The following MRTFB variants were observed in gnomAD, a reference collection of about 807,000 sequenced individuals.
MRTFB encodes myocardin-related transcription factor B.
In MRTFB, 29 loss-of-function variants were observed where a neutral mutation model predicts 104.2. The observed-to-expected ratio is 0.28, with a 90% CI of 0.21 to 0.38. The LOEUF (loss-of-function observed/expected upper bound fraction) is 0.38. Ranked by LOEUF, MRTFB falls within the 10% of genes least tolerant of loss-of-function variation. The probability of loss-of-function intolerance (pLI) is 1.00; values close to 1 mark genes in which losing one functional copy is unlikely to be tolerated. For synonymous variants in MRTFB, 535 were observed against 519.5 expected, an observed-to-expected ratio of 1.03 and a Z score of -0.41; for missense variants, 1,270 against 1,341.6, an observed-to-expected ratio of 0.95 and a Z score of 0.83.
chr16:13,995,684 A>C, the MRTFB span, among the ~76,000 whole-genome samples: 1 of 152,164 alleles, frequency 6.6e-6, no homozygotes, highest in African/African-American at 2.4e-5. Flanking sequence ...AGGCCTCAGG[A>C]AACTTACAAT....
the MRTFB span, among the ~76,000 whole-genome samples, chr16:14,026,183 A>G: frequency 6.6e-6 from 1 of 152,244 alleles, no homozygotes; most frequent in South Asian, 2.1e-4. Flanking sequence ...ATTGAAAAAG[A>G]AATTGGGAGA....
the MRTFB span, among the ~76,000 whole-genome samples, chr16:14,050,176 C>G: frequency 6.6e-6 from 1 of 152,134 alleles, no homozygotes; most frequent in South Asian, 2.1e-4. Flanking sequence ...CACACACACA[C>G]ACACACACAG....
intron 2 of MRTFB, among the ~76,000 whole-genome samples, chr16:14,111,356 C>T (rs2036257478): frequency 6.6e-6 from 1 of 151,882 alleles, no homozygotes; most frequent in Admixed American, 6.6e-5. Context: ...GTGGCCTTTG[C>T]CCTTAATAAA....
At chr16:14,093,869 A>G (rs888684399) in intron 2 of MRTFB, among the ~76,000 whole-genome samples, 3 of 152,340 alleles carry the variant, frequency 2.0e-5, no homozygotes, top group Admixed American at 1.3e-4. Context: ...GAAGTTTTTA[A>G]AATGTTAATT....
At chr16:14,042,237 T>C in the MRTFB span, among the ~76,000 whole-genome samples, 2 of 152,154 alleles carry the variant, frequency 1.3e-5, no homozygotes, top group Admixed American at 6.5e-5. Context: ...GCAATTCTCC[T>C]GCCTCAGCCT....
intron 3 of MRTFB, chr16:14,143,228 A>G (rs980008247): frequency 6.9e-6 from 1 of 145,356 alleles, no homozygotes; most frequent in African/African-American, 2.6e-5. Context: ...GGGACAAGGG[A>G]GACGCATTTT....
At chr16:14,006,655 T>C in the MRTFB span, among the ~76,000 whole-genome samples, 3 of 152,232 alleles carry the variant, frequency 2.0e-5, no homozygotes, top group Non-Finnish European at 4.4e-5. Flanking sequence ...TAGTATTGTT[T>C]GCATGTTTCA....
In MRTFB at chr16:14,247,526, A is replaced by G. The variant is rs770892818; in HGVS notation, c.2247+19A>G. ...ACTCCAGGTGTGAAGTGTGTCTTCT[A>G]ACTACTTTGCCTTACAGCATGCATG... On this transcript the variant is annotated intron_variant, in intron 12 of 16. Transcript: ENST00000571589. 12 of 1,530,620 alleles carry G rather than the reference A, an allele frequency of 7.8e-6. No homozygotes were observed. Among genetic ancestry groups the G allele is most frequent in the Middle Eastern group, 3.5e-4 (2 of 5,672 alleles). The allele number at this position is 1,530,620 out of a possible 1,614,324, so 94.8% of individuals were successfully genotyped here. A position where few individuals can be genotyped will look rare whatever the true frequency, so the allele number is the denominator to read the frequency against.
the MRTFB span, among the ~76,000 whole-genome samples, chr16:14,003,966 G>A: frequency 3.0e-4 from 45 of 152,262 alleles, no homozygotes; most frequent in African/African-American, 1.0e-3. Context: ...ACCCATCTGT[G>A]GGCCTCCAGT....
chr16:14,115,165 T>C (rs1414303664), intron 2 of MRTFB, among the ~76,000 whole-genome samples: 1 of 152,244 alleles, frequency 6.6e-6, no homozygotes, highest in Non-Finnish European at 1.5e-5. Context: ...ACGCTGACAC[T>C]ACTTGGAATT....
chr16:14,254,219 CT>C (rs1267269235), intron 15 of MRTFB, among the ~76,000 whole-genome samples: 1 of 152,220 alleles, frequency 6.6e-6, no homozygotes. Context: ...AATACATTTA[CT>C]CAGACTTGCA....
intron 16 of MRTFB, 43 bp downstream of exon 16, chr16:14,258,204 T>G: frequency 6.5e-7 from 1 of 1,540,460 alleles, no homozygotes; most frequent in Non-Finnish European, 9.0e-7. Flanking sequence ...AAGTCATCTC[T>G]TAACCCAAGT....
intron 2 of MRTFB, among the ~76,000 whole-genome samples, chr16:14,135,786 C>T (rs1405407550): frequency 6.6e-6 from 1 of 152,124 alleles, no homozygotes; most frequent in African/African-American, 2.4e-5. Context: ...TTTACTGCAC[C>T]AGCCTTATCT....
At chr16:14,122,649 G>GTA in intron 2 of MRTFB, among the ~76,000 whole-genome samples, 1 of 152,150 alleles carries the variant, frequency 6.6e-6, no homozygotes, top group African/African-American at 2.4e-5. Context: ...ATTCCGTGGT[G>GTA]TATATATGTG....
At chr16:14,223,566 T>G (rs2041845693) in intron 8 of MRTFB, among the ~76,000 whole-genome samples, 1 of 152,040 alleles carries the variant, frequency 6.6e-6, no homozygotes. Flanking sequence ...TAATTGAAGA[T>G]ATAATGGAAT....
the MRTFB span, among the ~76,000 whole-genome samples, chr16:14,007,444 G>T: frequency 6.6e-6 from 1 of 152,052 alleles, no homozygotes; most frequent in Non-Finnish European, 1.5e-5. Context: ...TTCATCATAT[G>T]TATAAAGCAC....
At chr16:14,062,931 G>GC in the MRTFB span, among the ~76,000 whole-genome samples, 1 of 152,166 alleles carries the variant, frequency 6.6e-6, no homozygotes, top group Non-Finnish European at 1.5e-5. Flanking sequence ...AGCCACTTCT[G>GC]CCACTGACAC....
rs115823868 is a variant in MRTFB, at chr16:14,247,348, G to C, written c.2088G>C (p.Ser696=). The change falls in exon 12 of 17, where the codon TCG becomes TCC. Residue 696 remains serine, a synonymous_variant. Transcript: ENST00000571589. ...AGGCAGAGCAGCAGAGTGTCGTCTC[G>C]CAGTTTTATGTGAGTTCCCAGGGAC... is the stretch of plus-strand genomic sequence containing the variant. The part of the protein sequence containing the change: ...VGQAEQQSVV[S]QFYVSSQGQP... The C allele has an allele frequency of 3.1e-6, 5 of 1,614,050 alleles. No individual in the cohort carries two copies. Among genetic ancestry groups the C allele is most frequent in the African/African-American group, 1.3e-5 (1 of 74,926 alleles).
upstream of MRTFB, among the ~76,000 whole-genome samples, chr16:14,071,055 C>T (rs78205965): frequency 0.056 from 8,526 of 152,264 alleles, 493 homozygotes; most frequent in East Asian, 0.3. Flanking sequence ...AGGGCCGAGC[C>T]CCGGACATGC....
Sources: gnomAD v4.1 joint callset for allele counts (sites outside exome capture counted in the v4.1 genomes callset) on GRCh38, gnomAD v4.1.1 for gene constraint, MANE v1.5 for transcripts, NCBI Gene and HGNC (gene_info 2026-07-23, HGNC 2026-07-21) for gene names.